Variants in NCALD observed in about 807,000 individuals in gnomAD.
NCALD encodes the protein neurocalcin delta.
A neutral mutation model predicts 18.6 loss-of-function variants in NCALD; 10 were observed. The ratio of observed to expected loss-of-function variants is 0.54; its 90% CI spans 0.33 to 0.91. The LOEUF is 0.91. Among genes scored for constraint, NCALD ranks in the 40% least tolerant of loss-of-function variants. NCALD has a pLI of 0.03. For synonymous variants in NCALD, 88 were observed against 87.4 expected, an observed-to-expected ratio of 1.01 and a Z score of -0.04; for missense variants, 184 against 247.6, an observed-to-expected ratio of 0.74 and a Z score of 1.72.
chr8:101,798,062 A>C (rs1425570031), intron 4 of NCALD, among the ~76,000 whole-genome samples: 2 of 152,212 alleles, frequency 1.3e-5, no homozygotes, highest in African/African-American at 4.8e-5. Context: ...TTTATACTTA[A>C]TAGTGAGAGT....
Position 101,734,079 on chromosome 8 carries a change from T to C in NCALD, c.-19-14431A>G, listed in dbSNP as rs201343192. On this transcript the variant is annotated intron_variant, in intron 1 of 3. Transcript: ENST00000220931. ...TTCTCCAGGAGGAGCCCCAGGGCTC[T>C]CTTATGTTAGCAGTGCCCCAGGAGC... is the stretch of plus-strand genomic sequence containing the variant. Among the ~76,000 whole-genome samples the C allele has an allele frequency of 3.3e-5, 5 of 152,304 alleles. No homozygotes were observed. In the East Asian group the frequency reaches 9.7e-4, roughly 29 times the overall value.
chr8:101,778,377 T>C (rs993772146), intron 1 of NCALD, among the ~76,000 whole-genome samples: 5 of 152,054 alleles, frequency 3.3e-5, no homozygotes, highest in Admixed American at 1.3e-4. Flanking sequence ...AAGTTACTGG[T>C]TATTGAAGGA....
chr8:101,737,611 G>A (rs574412689), intron 1 of NCALD, among the ~76,000 whole-genome samples: 36 of 152,270 alleles, frequency 2.4e-4, no homozygotes, highest in Non-Finnish European at 3.8e-4. Flanking sequence ...AAGGAAGCTC[G>A]GAGGAGAATA....
At chr8:101,981,191 T>C (rs188153288) in intron 2 of NCALD, among the ~76,000 whole-genome samples, 1 of 152,340 alleles carries the variant, frequency 6.6e-6, no homozygotes, top group East Asian at 1.9e-4. Flanking sequence ...GGCCAACCCG[T>C]TGGTTTATTA....
intron 4 of NCALD, among the ~76,000 whole-genome samples, chr8:101,806,446 T>G (rs565281302): frequency 6.6e-6 from 1 of 152,098 alleles, no homozygotes; most frequent in South Asian, 2.1e-4. Context: ...AAAATCATAC[T>G]TTATGAAGTA....
At chr8:101,829,979 T>TC (rs1168540992) in intron 4 of NCALD, among the ~76,000 whole-genome samples, 1 of 150,882 alleles carries the variant, frequency 6.6e-6, no homozygotes, top group Admixed American at 6.6e-5. Context: ...CATGGGTTTT[T>TC]TTTTTTTTTT....
chr8:102,085,852 C>A (rs1375273700), intron 1 of NCALD, among the ~76,000 whole-genome samples: 1 of 151,972 alleles, frequency 6.6e-6, no homozygotes, highest in Admixed American at 6.6e-5. Context: ...AGGCTTTTAA[C>A]CAAGCAGAAA....
intron 2 of NCALD, among the ~76,000 whole-genome samples, chr8:101,918,728 C>G (rs2131637780): frequency 6.9e-6 from 1 of 144,820 alleles, no homozygotes. Flanking sequence ...AACACAATCC[C>G]ATTTACAATA....
chr8:101,976,857 A>G (rs1238059971), intron 2 of NCALD, among the ~76,000 whole-genome samples: 1 of 152,144 alleles, frequency 6.6e-6, no homozygotes, highest in Non-Finnish European at 1.5e-5. Flanking sequence ...TTAAATTACT[A>G]CTGTGGTAAG....
At chr8:101,704,015 A>G (rs1194505279) in intron 2 of NCALD, among the ~76,000 whole-genome samples, 2 of 152,150 alleles carry the variant, frequency 1.3e-5, no homozygotes, top group African/African-American at 4.8e-5. Flanking sequence ...GGAGAGCCTC[A>G]TGATTTGTGG....
At chr8:101,919,399 A>G (rs1056063578) in intron 2 of NCALD, among the ~76,000 whole-genome samples, 3 of 152,208 alleles carry the variant, frequency 2.0e-5, no homozygotes, top group African/African-American at 7.2e-5. Context: ...TTAAAGATTT[A>G]GATGTAAGAC....
At chr8:101,968,944 G>A (rs1563942419) in intron 2 of NCALD, among the ~76,000 whole-genome samples, 1 of 152,154 alleles carries the variant, frequency 6.6e-6, no homozygotes, top group Non-Finnish European at 1.5e-5. Context: ...AAGCATCTCT[G>A]AGGACCCCAG....
At chr8:102,022,060 G>C (rs1204844974) in intron 1 of NCALD, among the ~76,000 whole-genome samples, 1 of 152,142 alleles carries the variant, frequency 6.6e-6, no homozygotes, top group Admixed American at 6.5e-5. Context: ...TCAGTGCAGG[G>C]GACTATTTAC....
At chr8:101,809,928 G>A (rs941058338) in intron 4 of NCALD, among the ~76,000 whole-genome samples, 1 of 152,118 alleles carries the variant, frequency 6.6e-6, no homozygotes, top group Non-Finnish European at 1.5e-5. Flanking sequence ...TTATAAATCT[G>A]ACTTTTATGA....
chr8:101,835,225 A>AC (rs1168255247), intron 4 of NCALD, among the ~76,000 whole-genome samples: 1 of 152,228 alleles, frequency 6.6e-6, no homozygotes, highest in Non-Finnish European at 1.5e-5. Flanking sequence ...AGTAAGTGCC[A>AC]CTTGGCTTTC....
chr8:101,705,099 C>T (rs761775312), intron 2 of NCALD, among the ~76,000 whole-genome samples: 63 of 151,534 alleles, frequency 4.2e-4, no homozygotes, highest in Non-Finnish European at 7.5e-4. Flanking sequence ...TGGTGGTGCG[C>T]ACCTGTAATC....
At chr8:101,770,003 A>G (rs540886810) in intron 1 of NCALD, among the ~76,000 whole-genome samples, 1 of 152,298 alleles carries the variant, frequency 6.6e-6, no homozygotes, top group African/African-American at 2.4e-5. Flanking sequence ...AGATTGATGA[A>G]GCTTTTGTTG....
intron 1 of NCALD, among the ~76,000 whole-genome samples, chr8:102,088,367 G>A (rs962120933): frequency 6.6e-6 from 1 of 152,104 alleles, no homozygotes; most frequent in East Asian, 1.9e-4. Flanking sequence ...GTTACTTTTA[G>A]TAAAGTTTAA....
chr8:102,030,877 A>AT (rs1822644209), intron 1 of NCALD, among the ~76,000 whole-genome samples: 1 of 148,136 alleles, frequency 6.8e-6, no homozygotes, highest in Non-Finnish European at 1.5e-5. Context: ...CTCCATCACA[A>AT]AAAATAAATA....
Sources: gnomAD v4.1 joint callset for allele counts (sites outside exome capture counted in the v4.1 genomes callset) on GRCh38, gnomAD v4.1.1 for gene constraint, MANE v1.5 for transcripts, NCBI Gene and HGNC (gene_info 2026-07-23, HGNC 2026-07-21) for gene names.